The following SP3 variants were observed in gnomAD, a reference collection of about 807,000 sequenced individuals.
SP3 encodes transcription factor Sp3.
Under a neutral mutation model 70.3 loss-of-function variants are expected in SP3, and 10 were observed. The ratio of observed to expected loss-of-function variants is 0.14; its 90% confidence interval spans 0.09 to 0.24. SP3 has a LOEUF of 0.24. Ranked by LOEUF, SP3 falls within the 10% of genes least tolerant of loss-of-function variation. The pLI is 1.00. For missense variants in SP3, 825 were observed against 914.6 expected, an observed-to-expected ratio of 0.90 and a Z score of 1.26; for synonymous variants, 402 against 333.5, an observed-to-expected ratio of 1.21 and a Z score of -2.24.
In SP3 at chr2:173,909,919, T is replaced by C. The variant is rs778985458; in HGVS notation, c.*22A>G. On this transcript the variant is annotated 3_prime_UTR_variant, in exon 7 of 7. Transcript: ENST00000310015. ...CACTACTGTATAAAAATAACCACAATGAATAAGTATTTGTGTAATATTTAC... is the reference window on the plus strand; with the variant it reads ...CACTACTGTATAAAAATAACCACAACGAATAAGTATTTGTGTAATATTTAC... The C allele has an allele frequency of 1.0e-5, 16 of 1,597,704 alleles. No individual in the cohort carries two copies. Among genetic ancestry groups the C allele is most frequent in the Non-Finnish European group, 1.4e-5 (16 of 1,166,504 alleles).
intron 3 of SP3, among the ~76,000 whole-genome samples, chr2:173,962,105 G>C (rs1027807621): frequency 6.6e-6 from 1 of 152,088 alleles, no homozygotes; most frequent in Non-Finnish European, 1.5e-5. Flanking sequence ...CAGAAAAGCA[G>C]CTGAAGAAGC....
intron 4 of SP3, among the ~76,000 whole-genome samples, chr2:173,930,823 G>A (rs553438101): frequency 4.3e-4 from 65 of 152,176 alleles, no homozygotes; most frequent in South Asian, 2.1e-4. Flanking sequence ...TAATAATATA[G>A]GTGCTGTCTA....
rs1407811125 is a variant in SP3 at position 173,907,068 on chromosome 2, G to C, written c.*2873C>G. 1 of 152,080 alleles carries C rather than the reference G, an allele frequency of 6.6e-6. No individual in the cohort carries two copies. Among genetic ancestry groups the C allele is most frequent in the Non-Finnish European group, 1.5e-5 (1 of 67,992 alleles). 9.4% of individuals were successfully genotyped at this position (152,080 alleles called of 1,614,324 possible). ...GCGGTAGGTGTAGCTCCTTTAAAAG[G>C]TTATGTGCTTTTTGGTTGAGTCACT... is the stretch of plus-strand genomic sequence containing the variant. On this transcript the variant is annotated 3_prime_UTR_variant, in exon 7 of 7. Transcript: ENST00000310015.
intron 2 of SP3, 189 bp downstream of exon 2, chr2:173,964,216 G>A (rs527634947): frequency 8.4e-6 from 4 of 473,418 alleles, no homozygotes; most frequent in Admixed American, 4.4e-5. Context: ...GCAGGCGGGC[G>A]AGGCGGGGCG....
chr2:173,944,844 C>T (rs565023593), intron 4 of SP3, among the ~76,000 whole-genome samples: 69 of 151,976 alleles, frequency 4.5e-4, no homozygotes, highest in Non-Finnish European at 6.0e-4. Context: ...AATGGTGGGA[C>T]GGTGGTTCAT....
At chr2:173,915,262 A>G (rs901071022) in intron 5 of SP3, 3 of 152,162 alleles carry the variant, frequency 2.0e-5, no homozygotes, top group Non-Finnish European at 4.4e-5. Flanking sequence ...GGTTGCACAC[A>G]TATTTAAGGA....
chr2:173,951,588 A>C (rs1428456777), intron 4 of SP3, among the ~76,000 whole-genome samples: 1 of 152,206 alleles, frequency 6.6e-6, no homozygotes, highest in East Asian at 1.9e-4. Flanking sequence ...ATCTCTTGCA[A>C]TATGGTTCGG....
chr2:173,965,484 C>G (rs1691265844), upstream of SP3: 2 of 337,822 alleles, frequency 5.9e-6, no homozygotes, highest in Middle Eastern at 7.8e-4. Flanking sequence ...AGGCGGCGCG[C>G]TTCCTGTTTG....
Position 173,965,332 on chromosome 2 carries a change from A to G in SP3, c.-161T>C. On this transcript the variant is annotated 5_prime_UTR_variant, in exon 1 of 7. Transcript: ENST00000310015. ...TTTTGATTGACTGTGCGGGAAACAC[A>G]AAAGGTGGAGCCTCCAGCCCAAAAG... 2.5e-6 allele frequency: 2 copies of G among 812,320 alleles called. No homozygotes were observed. Among genetic ancestry groups the G allele is most frequent in the South Asian group, 1.7e-5 (1 of 58,470 alleles). 50.3% of individuals were successfully genotyped at this position (812,320 alleles called of 1,614,324 possible).
intron 3 of SP3, among the ~76,000 whole-genome samples, chr2:173,959,131 TAA>T (rs1032101542): frequency 2.0e-5 from 3 of 152,142 alleles, no homozygotes; most frequent in African/African-American, 7.2e-5. Flanking sequence ...TTTGAGGTAT[TAA>T]GAGCCTTCTA....
At chr2:173,912,706 T>A (rs1269487152) in intron 6 of SP3, among the ~76,000 whole-genome samples, 1 of 151,050 alleles carries the variant, frequency 6.6e-6, no homozygotes, top group Non-Finnish European at 1.5e-5. Flanking sequence ...GAAACAGGAG[T>A]ATTTTTTGTT....
chr2:173,952,007 C>G (rs1359994964), intron 4 of SP3, among the ~76,000 whole-genome samples: 1 of 151,916 alleles, frequency 6.6e-6, no homozygotes, highest in Non-Finnish European at 1.5e-5. Context: ...TTTGAGTTTT[C>G]TAAAATTCTA....
chr2:173,955,501 T>C lies in SP3; in HGVS notation c.1011A>G (p.Ser337=). ...TACTATCTATCGTAACAGGCAACTG[T>C]GATGAAGAGGATGTTGGCACAAATA... ...TDLFVPTSSS[S]QLPVTIDSTG... Residue 337 remains serine, a synonymous_variant, in exon 4 of 7, where the codon TCA becomes TCG. Coordinates refer to ENST00000310015, the MANE Select transcript of SP3 (RefSeq NM_003111.5). 1.2e-6 allele frequency: 2 copies of C among 1,614,178 alleles called. No homozygotes were observed.
chr2:173,926,538 C>T (rs1689913919), intron 4 of SP3, among the ~76,000 whole-genome samples: 1 of 152,144 alleles, frequency 6.6e-6, no homozygotes. Context: ...GTGGCTCACG[C>T]CTGTAATCCC....
intron 4 of SP3, among the ~76,000 whole-genome samples, chr2:173,942,157 C>T (rs1423551252): frequency 3.9e-5 from 6 of 152,212 alleles, no homozygotes; most frequent in African/African-American, 1.4e-4. Context: ...TTTTACAACA[C>T]AACTTTCCTG....
At chr2:173,921,975 T>C (rs1411006760) in intron 4 of SP3, among the ~76,000 whole-genome samples, 1 of 152,184 alleles carries the variant, frequency 6.6e-6, no homozygotes, top group East Asian at 1.9e-4. Context: ...CCTTCTGCCA[T>C]GAGTAAAAGC....
chr2:173,918,450 T>C, intron 5 of SP3, 143 bp downstream of exon 5: 1 of 768,720 alleles, frequency 1.3e-6, no homozygotes, highest in Non-Finnish European at 2.1e-6. Flanking sequence ...TTTTGTTCTC[T>C]AACTTCTGCC....
chr2:173,951,165 GATTT>G (rs1690701321), intron 4 of SP3, among the ~76,000 whole-genome samples: 1 of 152,094 alleles, frequency 6.6e-6, no homozygotes, highest in African/African-American at 2.4e-5. Flanking sequence ...AAAGTTTCTA[GATTT>G]ATTTTCTAAC....
At chr2:173,943,589 C>T (rs1485534780) in intron 4 of SP3, among the ~76,000 whole-genome samples, 1 of 152,136 alleles carries the variant, frequency 6.6e-6, no homozygotes, top group African/African-American at 2.4e-5. Context: ...CTTCGGTATT[C>T]CAATGTGCTG....
Sources: gnomAD v4.1 joint callset for allele counts (sites outside exome capture counted in the v4.1 genomes callset) on GRCh38, gnomAD v4.1.1 for gene constraint, MANE v1.5 for transcripts, NCBI Gene and HGNC (gene_info 2026-07-23, HGNC 2026-07-21) for gene names.